Variants in LTBR observed in about 807,000 individuals in gnomAD.
LTBR encodes the protein lymphotoxin beta receptor.
In LTBR, 15 loss-of-function variants were observed where a neutral mutation model predicts 45.4. The observed-to-expected ratio is 0.33, with a 90% CI of 0.22 to 0.51. LTBR has a LOEUF of 0.51. LTBR is among the 20% of genes least tolerant of loss of function. The pLI is 0.97. For missense variants in LTBR, 450 were observed against 565.5 expected, an observed-to-expected ratio of 0.80 and a Z score of 2.07; for synonymous variants, 228 against 231.0, an observed-to-expected ratio of 0.99 and a Z score of 0.12.
At chr12:6,381,077 T>C (rs1415166559), upstream of LTBR, among the ~76,000 whole-genome samples, 3 of 152,012 alleles carry the variant, frequency 2.0e-5, no homozygotes, top group Admixed American at 6.6e-5. Flanking sequence ...CAAGAAACAC[T>C]CTAAGTCTTT....
Position 6,386,450 on chromosome 12 carries a change from G to A in LTBR, c.667+6G>A. The A allele has an allele frequency of 2.5e-6, 4 of 1,578,436 alleles. No homozygotes were observed. Among genetic ancestry groups the A allele is most frequent in the Non-Finnish European group, 3.4e-6 (4 of 1,161,700 alleles). On this transcript the variant is annotated splice_donor_region_variant and intron_variant, in intron 6 of 9. Transcript: ENST00000228918. This position sits in a 1 kb window ranked among gnomAD's most constrained non-coding sequence, Gnocchi z 4.1. ...ACTGCCCCCAGAGATGTCAGGTGAG[G>A]GACCAGGGCTGAGGGACACGGGGGG...
intron 9 of LTBR, 98 bp downstream of exon 9, chr12:6,390,438 A>G: frequency 9.0e-7 from 1 of 1,113,372 alleles, no homozygotes; most frequent in Non-Finnish European, 1.3e-6. Flanking sequence ...ACCAAAACAG[A>G]GGCAGACAGA....
chr12:6,390,657 C>T lies in LTBR; in HGVS notation c.1031-3C>T. The T allele has an allele frequency of 1.3e-6, 2 of 1,500,258 alleles. No individual in the cohort carries two copies. The highest frequency in any genetic ancestry group is 8.9e-7 in the Non-Finnish European group (1 of 1,125,284). 92.9% of individuals were successfully genotyped at this position (1,500,258 alleles called of 1,614,324 possible). On this transcript the variant is annotated splice_polypyrimidine_tract_variant and splice_region_variant and intron_variant, in intron 9 of 9. Transcript: ENST00000228918. ...CCTCAACACTCTGCCTCCCTTCCTA[C>T]AGGTACCAATGGCATTCATGTCACC...
chr12:6,380,652 T>C (rs1431426671), upstream of LTBR, among the ~76,000 whole-genome samples: 2 of 149,126 alleles, frequency 1.3e-5, no homozygotes, highest in Non-Finnish European at 3.0e-5. Context: ...ATTGCACCAT[T>C]GCACTCCAGC....
chr12:6,377,684 C>G, intron 1 of LTBR: 5 of 1,298,444 alleles, frequency 3.9e-6, no homozygotes, highest in Non-Finnish European at 5.0e-6. Flanking sequence ...ATGGTCCTCC[C>G]TGCAATAAGG....
chr12:6,380,290 T>C (rs1948970886), upstream of LTBR, among the ~76,000 whole-genome samples: 1 of 152,242 alleles, frequency 6.6e-6, no homozygotes, highest in Admixed American at 6.5e-5. Context: ...AACCCTCATC[T>C]GTTATGCACT....
intron 1 of LTBR, chr12:6,377,180 G>A (rs535288498): frequency 3.0e-5 from 40 of 1,318,268 alleles, no homozygotes; most frequent in South Asian, 1.2e-4. Flanking sequence ...CCTCTCTTGC[G>A]GCAGTCTCTT....
At chr12:6,377,880 C>G (rs917314385) in intron 1 of LTBR, 1 of 371,920 alleles carries the variant, frequency 2.7e-6, no homozygotes, top group Admixed American at 3.1e-5. Context: ...GGTGGTGACC[C>G]TGCCACGTCC....
rs530984880 is a variant in LTBR, at chr12:6,390,263, T to C, written c.953T>C (p.Val318Ala). 6.2e-7 allele frequency: 1 copy of C among 1,613,482 alleles called. No homozygotes were observed. The highest frequency in any genetic ancestry group is 8.5e-7 in the Non-Finnish European group (1 of 1,179,924). ...GCAGCCCCAGTTTTGGAGGCAGGGGTGCCGCAACAGCAGAGTCCTCTGGAC... is the reference window on the plus strand; with the variant it reads ...GCAGCCCCAGTTTTGGAGGCAGGGGCGCCGCAACAGCAGAGTCCTCTGGAC... ...LPAAPVLEAG[V>A]PQQQSPLDLT... Residue 318 changes from valine (V) to alanine (A), a missense_variant, in exon 9 of 10, where the codon GTG (valine) becomes GCG (alanine). By Grantham distance (64) the Val-to-Ala change is moderately conservative. Coordinates refer to ENST00000228918, the MANE Select transcript of LTBR (RefSeq NM_002342.3).
At chr12:6,385,688 CG>C in intron 4 of LTBR, 1 of 407,816 alleles carries the variant, frequency 2.5e-6, no homozygotes, top group Non-Finnish European at 4.5e-6. Context: ...GGGCGGATCA[CG>C]AGGTCAGGAG....
chr12:6,390,953 G>C lies in LTBR; in HGVS notation c.*16G>C. On this transcript the variant is annotated 3_prime_UTR_variant, in exon 10 of 10. Coordinates refer to ENST00000228918, the MANE Select transcript of LTBR (RefSeq NM_002342.3). ...CCATGACTGACTGAGTCTGAGAAAAGGCAGAAGAAGGGGGGCACAAGGGCA... is the reference window on the plus strand; with the variant it reads ...CCATGACTGACTGAGTCTGAGAAAACGCAGAAGAAGGGGGGCACAAGGGCA... 6.6e-7 allele frequency: 1 copy of C among 1,511,486 alleles called. No homozygotes were observed. The highest frequency in any genetic ancestry group is 1.4e-5 in the African/African-American group (1 of 71,314). The allele number at this position is 1,511,486 out of a possible 1,614,324, so 93.6% of individuals were successfully genotyped here. A position where few individuals can be genotyped will look rare whatever the true frequency, so the allele number is the denominator to read the frequency against.
intron 1 of LTBR, chr12:6,377,136 C>G: frequency 1.3e-6 from 1 of 764,734 alleles, no homozygotes; most frequent in Non-Finnish European, 2.1e-6. Context: ...AAAGGCAGTA[C>G]TCCAGGCTCA....
Position 6,390,841 on chromosome 12 carries a change from G to A in LTBR, c.1212G>A (p.Gln404=). ...CTCCCGGGCTCTCTACACCCCACCAGGAAGATGGCAAGGCTTGGCACCTAG... is the reference window on the plus strand; with the variant it reads ...CTCCCGGGCTCTCTACACCCCACCAAGAAGATGGCAAGGCTTGGCACCTAG... ...PGPPGLSTPH[Q]EDGKAWHLAE... Residue 404 remains glutamine (Q), a synonymous_variant, in exon 10 of 10, where the codon CAG becomes CAA. Transcript: ENST00000228918. The A allele has an allele frequency of 6.2e-7, 1 of 1,611,820 alleles. No individual in the cohort carries two copies. Among genetic ancestry groups the A allele is most frequent in the East Asian group, 2.2e-5 (1 of 44,820 alleles).
At chr12:6,389,108 C>CA (rs1949081441) in intron 8 of LTBR, 3 of 344,450 alleles carry the variant, frequency 8.7e-6, no homozygotes, top group Admixed American at 4.3e-5. Flanking sequence ...GGGAAGGGGT[C>CA]AATGAGTGAC....
intron 2 of LTBR, 36 bp from the exon 3 acceptor site, chr12:6,384,985 CG>C (rs1949022221): frequency 6.2e-7 from 1 of 1,613,444 alleles, no homozygotes; most frequent in Non-Finnish European, 8.5e-7. Flanking sequence ...GGTGGAGCCT[CG>C]TCTCCTGAGG....
At position 6,388,403 on chromosome 12, in the gene LTBR, A is replaced by G. The variant is rs1380552575; in HGVS notation, c.673A>G (p.Met225Val). The G allele has an allele frequency of 6.2e-7, 1 of 1,613,160 alleles. No individual in the cohort carries two copies. Among genetic ancestry groups the G allele is most frequent in the East Asian group, 2.2e-5 (1 of 44,870 alleles). The change falls in exon 7 of 10, where the codon ATG becomes GTG. Residue 225 changes from methionine to valine, a missense_variant. By Grantham distance (21) the Met-to-Val change is conservative. This residue lies in a region of LTBR where 367 missense variants were observed against 435.4 expected (regional missense o/e 0.84). Coordinates refer to ENST00000228918, the MANE Select transcript of LTBR (RefSeq NM_002342.3). The surrounding 1 kb of genome is among the most constrained non-coding windows in gnomAD (Gnocchi z 4.3). ...CCTGTCTGCTGTCCTGGCAGGAACC[A>G]TGCTGATGCTGGCCGTTCTGCTGCC... is the stretch of plus-strand genomic sequence containing the variant. ...EPLPPEMSGT[M>V]LMLAVLLPLA...
At position 6,378,733 on chromosome 12, in the gene LTBR, C is replaced by T. The variant is rs115787705; in HGVS notation, c.39+3139C>T. Among the ~76,000 whole-genome samples the T allele has an allele frequency of 3.4e-3, 524 of 152,308 alleles. 6 individuals carry two copies. Among genetic ancestry groups the T allele is most frequent in the African/African-American group, 0.012 (497 of 41,544 alleles). On this transcript the variant is annotated intron_variant, in intron 1 of 9. Transcript: ENST00000539925. ...CCTTTCCAAGCCCAGTTCTCCTTCT[C>T]TGACTTTGAGAGAAGTACAGTTTTG...
At position 6,388,900 on chromosome 12, in the gene LTBR, G is replaced by A. The variant is rs900598842; in HGVS notation, c.801+75G>A. 2.0e-5 allele frequency: 31 copies of A among 1,551,380 alleles called. No homozygotes were observed. In the Admixed American group the frequency reaches 2.7e-4, roughly 13 times the overall value. On this transcript the variant is annotated intron_variant, in intron 8 of 9. Transcript: ENST00000228918. This position sits in a 1 kb window ranked among gnomAD's most constrained non-coding sequence, Gnocchi z 4.3. ...GTACAAGGTGGAGCAGACAGGAAGA[G>A]AGTATGCAGGCTGACTCCACACTCA...
chr12:6,386,544 C>T lies in LTBR; in HGVS notation c.667+100C>T, dbSNP rs1949051754. ...TGGGGAAAAGATGAACACTTCCCTC[C>T]CAGAATTGGGCAAGAAGAAAGTTCC... On this transcript the variant is annotated intron_variant, in intron 6 of 9. Coordinates refer to ENST00000228918, the MANE Select transcript of LTBR (RefSeq NM_002342.3). This position sits in a 1 kb window ranked among gnomAD's most constrained non-coding sequence, Gnocchi z 4.1. The T allele has an allele frequency of 1.1e-6, 1 of 915,952 alleles. No homozygotes were observed. Among genetic ancestry groups the T allele is most frequent in the East Asian group, 2.7e-5 (1 of 37,154 alleles). 56.7% of individuals were successfully genotyped at this position (915,952 alleles called of 1,614,324 possible).
Sources: allele counts gnomAD v4.1 joint callset (sites outside exome capture counted in the v4.1 genomes callset), GRCh38; gene constraint gnomAD v4.1.1; regional missense constraint gnomAD v4.1.1; non-coding constraint Gnocchi (gnomAD v3.1); transcripts MANE v1.5; gene names NCBI Gene and HGNC (gene_info 2026-07-23, HGNC 2026-07-21).